The following RADIL variants were observed in gnomAD, a reference collection of about 807,000 sequenced individuals.
RADIL encodes ras-associating and dilute domain-containing protein.
Under a neutral mutation model 97.6 loss-of-function variants are expected in RADIL, and 99 were observed. That is an observed-to-expected ratio of 1.01 (90% CI 0.86 to 1.20). The LOEUF (loss-of-function observed/expected upper bound fraction) is 1.20, where lower values mean the gene tolerates loss of function less well. RADIL is among the 50% of genes most tolerant of loss of function. The probability of loss-of-function intolerance (pLI) is 0.00; values close to 1 mark genes in which losing one functional copy is unlikely to be tolerated. For synonymous variants in RADIL, 803 were observed against 691.8 expected, an observed-to-expected ratio of 1.16 and a Z score of -2.52; for missense variants, 1,765 against 1,498.9, an observed-to-expected ratio of 1.18 and a Z score of -2.93.
rs557047223 is a variant in RADIL, at chr7:4,817,492, A to G, written c.1616-141T>C. The G allele has an allele frequency of 5.9e-4, 399 of 672,618 alleles. 2 individuals are homozygous for G. In the Middle Eastern group the frequency reaches 6.3e-3, roughly 11 times the overall value. The allele number at this position is 672,618 out of a possible 1,614,324, so 41.7% of individuals were successfully genotyped here. ...GGGTCCAGATGCGATAAACTGGCCG[A>G]GGGACTCTGGGCCCTGGCTGGGACG... On this transcript the variant is annotated intron_variant, in intron 6 of 14. Transcript: ENST00000399583. This position sits in a 1 kb window ranked among gnomAD's most constrained non-coding sequence, Gnocchi z 8.3.
chr7:4,804,991 G>A (rs990960642), intron 10 of RADIL, among the ~76,000 whole-genome samples: 12 of 152,116 alleles, frequency 7.9e-5, no homozygotes, highest in Admixed American at 2.0e-4. Flanking sequence ...CTACTAGGGA[G>A]GCTGAGGTAG....
At chr7:4,859,187 T>C (rs1172937837) in intron 2 of RADIL, 1 of 152,562 alleles carries the variant, frequency 6.6e-6, no homozygotes, top group African/African-American at 2.4e-5. Context: ...CGCTGCACAA[T>C]GGTATCCAAT....
intron 7 of RADIL, among the ~76,000 whole-genome samples, chr7:4,816,919 G>A: frequency 6.6e-6 from 1 of 152,292 alleles, no homozygotes; most frequent in African/African-American, 2.4e-5. Flanking sequence ...ACAGGGCCAT[G>A]TCCCTTGCGC....
At chr7:4,865,452 T>A (rs1784110376) in intron 2 of RADIL, 1 of 749,276 alleles carries the variant, frequency 1.3e-6, no homozygotes, top group Non-Finnish European at 2.5e-6. Context: ...TTCCTCCTCT[T>A]CTTTGTCCTG....
At position 4,878,023 on chromosome 7, in the gene RADIL, C is replaced by T; in HGVS notation, c.117G>A (p.Leu39=). The T allele has an allele frequency of 1.9e-6, 3 of 1,610,014 alleles. No homozygotes were observed. Among genetic ancestry groups the T allele is most frequent in the Non-Finnish European group, 2.5e-6 (3 of 1,179,002 alleles). ...CGCCCAGGCTGGAGAAGGTGGAGTC[C>T]AGGTCCCGGTACTTGTAGCTCAGCG... ...SRTLSYKYRD[L]DSTFSSLGAS... Residue 39 remains leucine, a synonymous_variant, in exon 2 of 15, where the codon CTG becomes CTA. Transcript: ENST00000399583. This position sits in a 1 kb window ranked among gnomAD's most constrained non-coding sequence, Gnocchi z 4.1.
At chr7:4,841,247 C>T (rs988066572) in intron 2 of RADIL, among the ~76,000 whole-genome samples, 12 of 152,216 alleles carry the variant, frequency 7.9e-5, no homozygotes, top group Admixed American at 3.9e-4. Flanking sequence ...TTCAAGGACC[C>T]CTGGGAATGT....
chr7:4,817,450 C>T lies in RADIL; in HGVS notation c.1616-99G>A. 2 of 1,005,882 alleles carry T rather than the reference C, an allele frequency of 2.0e-6. No individual in the cohort carries two copies. The highest frequency in any genetic ancestry group is 2.9e-6 in the Non-Finnish European group (2 of 687,368). The allele number at this position is 1,005,882 out of a possible 1,614,324, so 62.3% of individuals were successfully genotyped here. ...AGCTCTTTCCCTGGCGCGGGCACCACCCAACGCGCCCATCTGGGGTCCAGA... is the reference window on the plus strand; with the variant it reads ...AGCTCTTTCCCTGGCGCGGGCACCATCCAACGCGCCCATCTGGGGTCCAGA... On this transcript the variant is annotated intron_variant, in intron 6 of 14. Coordinates refer to ENST00000399583, the MANE Select transcript of RADIL (RefSeq NM_018059.5). This position sits in a 1 kb window ranked among gnomAD's most constrained non-coding sequence, Gnocchi z 8.3.
chr7:4,799,256 G>T lies in RADIL; in HGVS notation c.*122C>A. On this transcript the variant is annotated 3_prime_UTR_variant, in exon 15 of 15. Coordinates refer to ENST00000399583, the MANE Select transcript of RADIL (RefSeq NM_018059.5). ...TGTTATCAACAGGCATGTCCCCAGG[G>T]TGAGGCTCCCCACCCGGGACCCAAC... 2 of 818,538 alleles carry T rather than the reference G, an allele frequency of 2.4e-6. No homozygotes were observed. Among genetic ancestry groups the T allele is most frequent in the Non-Finnish European group, 4.0e-6 (2 of 500,626 alleles). The allele number at this position is 818,538 out of a possible 1,614,324, so 50.7% of individuals were successfully genotyped here.
chr7:4,826,745 C>CAA (rs797014912), intron 5 of RADIL, among the ~76,000 whole-genome samples: 2 of 128,624 alleles, frequency 1.6e-5, no homozygotes, highest in Admixed American at 7.7e-5. Flanking sequence ...AAAAAAAAAA[C>CAA]AAAAAAAAAA....
At chr7:4,862,800 G>C (rs1161652052) in intron 2 of RADIL, among the ~76,000 whole-genome samples, 1 of 151,996 alleles carries the variant, frequency 6.6e-6, no homozygotes, top group African/African-American at 2.4e-5. Flanking sequence ...GGGAGGCTGA[G>C]GCAGGAGAAT....
At chr7:4,826,027 G>A (rs538906183) in intron 5 of RADIL, among the ~76,000 whole-genome samples, 4 of 151,692 alleles carry the variant, frequency 2.6e-5, no homozygotes, top group South Asian at 4.2e-4. Context: ...AGGATCACTT[G>A]AGTCTTGTCT....
At position 4,815,982 on chromosome 7, in the gene RADIL, T is replaced by C. The variant is rs1204301282; in HGVS notation, c.1966+246A>G. ...TTCCCTCCCTGTCACGGGGAAGGGG[T>C]CCCATGCAGACCTCTCGGCCGTGGC... On this transcript the variant is annotated intron_variant, in intron 8 of 14. Coordinates refer to ENST00000399583, the MANE Select transcript of RADIL (RefSeq NM_018059.5). The surrounding 1 kb of genome is among the most constrained non-coding windows in gnomAD (Gnocchi z 8.0). Among the ~76,000 whole-genome samples the C allele has an allele frequency of 6.6e-6, 1 of 151,302 alleles. No homozygotes were observed. Among genetic ancestry groups the C allele is most frequent in the Admixed American group, 6.6e-5 (1 of 15,198 alleles).
In RADIL at chr7:4,799,425, C is replaced by T. The variant is rs746219713; in HGVS notation, c.3181G>A (p.Asp1061Asn). ...KKMRFLVAKS[D>N]VETAKKIHFR... ...TGGATCTTCTTGGCTGTTTCCACGT[C>T]GGACTTCGCGACCAGGAACCGCATC... The change falls in exon 15 of 15, where the codon GAC (aspartate) becomes AAC (asparagine). Residue 1061 changes from aspartate (D) to asparagine (N), a missense_variant. Coordinates refer to ENST00000399583, the MANE Select transcript of RADIL (RefSeq NM_018059.5). The T allele has an allele frequency of 2.7e-5, 43 of 1,613,690 alleles. 1 individual carries two copies. Among genetic ancestry groups the T allele is most frequent in the Admixed American group, 8.3e-5 (5 of 60,004 alleles).
chr7:4,851,368 G>A (rs1039357134), intron 2 of RADIL, among the ~76,000 whole-genome samples: 1 of 152,152 alleles, frequency 6.6e-6, no homozygotes, highest in Non-Finnish European at 1.5e-5. Context: ...AGATTCCCTT[G>A]AACAGGCTAC....
intron 4 of RADIL, among the ~76,000 whole-genome samples, chr7:4,832,741 C>CAAAA (rs71032992): frequency 1.1e-3 from 76 of 66,358 alleles, no homozygotes; most frequent in Non-Finnish European, 1.5e-3. Context: ...TCCGTCTCAG[C>CAAAA]AAAAAAAAAA....
At chr7:4,809,138 G>A in intron 9 of RADIL, 1 of 985,112 alleles carries the variant, frequency 1.0e-6, no homozygotes, top group Non-Finnish European at 1.2e-6. Flanking sequence ...TGGCCTCAGC[G>A]TGGGGTGGCC....
intron 2 of RADIL, among the ~76,000 whole-genome samples, chr7:4,851,985 A>G (rs1411271811): frequency 6.6e-6 from 1 of 152,216 alleles, no homozygotes; most frequent in African/African-American, 2.4e-5. Context: ...GTCAAAACAG[A>G]GGACCTCAAG....
chr7:4,801,542 G>A, intron 12 of RADIL, 111 bp downstream of exon 12: 2 of 1,179,848 alleles, frequency 1.7e-6, no homozygotes, highest in Non-Finnish European at 2.3e-6. Flanking sequence ...TGTCTGTGGG[G>A]CAGGTAAGGA....
rs1230561509 is a variant in RADIL at position 4,834,759 on chromosome 7, T to C, written c.1264A>G (p.Met422Val). ...HLEDTLLQRI[M>V]TLIEPGGDDH... ...TCGCCCCCCGGCTCGATCAACGTCATGATCCTCTGCAGCAGCGTGTCCTCC... is the reference window on the plus strand; with the variant it reads ...TCGCCCCCCGGCTCGATCAACGTCACGATCCTCTGCAGCAGCGTGTCCTCC... Residue 422 changes from methionine to valine, a missense_variant, in exon 4 of 15, where the codon ATG becomes GTG. Physicochemically the swap from Met to Val is conservative, Grantham distance 21. Coordinates refer to ENST00000399583, the MANE Select transcript of RADIL (RefSeq NM_018059.5). The surrounding 1 kb of genome is among the most constrained non-coding windows in gnomAD (Gnocchi z 6.0). 2.1e-6 allele frequency: 3 copies of C among 1,399,614 alleles called. No individual in the cohort carries two copies. The highest frequency in any genetic ancestry group is 2.8e-6 in the Non-Finnish European group (3 of 1,069,884). 86.7% of individuals were successfully genotyped at this position (1,399,614 alleles called of 1,614,324 possible).
Sources: gnomAD v4.1 joint callset for allele counts (sites outside exome capture counted in the v4.1 genomes callset) on GRCh38, gnomAD v4.1.1 for gene constraint, Gnocchi (gnomAD v3.1) non-coding constraint, MANE v1.5 for transcripts, NCBI Gene and HGNC (gene_info 2026-07-23, HGNC 2026-07-21) for gene names.